The following CNKSR2 variants were observed in gnomAD, a reference collection of about 807,000 sequenced individuals.
The protein encoded by CNKSR2 is CNK homolog protein 2.
In CNKSR2, 14 loss-of-function variants were observed where a neutral mutation model predicts 84.4. That is an observed-to-expected ratio of 0.17 (90% confidence interval 0.11 to 0.26). CNKSR2 has a LOEUF of 0.26. Ranked by LOEUF, CNKSR2 falls within the 10% of genes least tolerant of loss-of-function variation. The pLI, the probability that CNKSR2 is intolerant of heterozygous loss-of-function variation, is 1.00. For synonymous variants in CNKSR2, 275 were observed against 277.9 expected, an observed-to-expected ratio of 0.99 and a Z score of 0.10; for missense variants, 485 against 771.2, an observed-to-expected ratio of 0.63 and a Z score of 4.40.
intron 20 of CNKSR2, among the ~76,000 whole-genome samples, chrX:21,630,250 A>G (rs746269986): frequency 5.3e-5 from 6 of 112,519 alleles, no homozygotes; most frequent in Admixed American, 9.4e-5. Context: ...CTCATATAGA[A>G]AAAGAAGATA....
At position 21,482,504 on chromosome X, in the gene CNKSR2, A is replaced by G. The variant is rs191450600; in HGVS notation, c.562-7955A>G. ...TAAGTAATTAGAAGCTTGTAGTAAC[A>G]GGACTAACACTGTCAATAAGCTTTA... On this transcript the variant is annotated intron_variant, in intron 5 of 21. Coordinates refer to ENST00000379510, the MANE Select transcript of CNKSR2 (RefSeq NM_014927.5). Among the ~76,000 whole-genome samples the G allele has an allele frequency of 1.1e-3, 123 of 112,599 alleles. 1 individual carries two copies. Among genetic ancestry groups the G allele is most frequent in the African/African-American group, 3.7e-3 (115 of 31,009 alleles).
intron 10 of CNKSR2, among the ~76,000 whole-genome samples, chrX:21,529,769 T>C (rs1437577499): frequency 9.0e-6 from 1 of 110,975 alleles, no homozygotes; most frequent in Non-Finnish European, 1.9e-5. Flanking sequence ...TGCTTGGTAC[T>C]TTTCTTAATT....
chrX:21,582,925 C>G (rs1285061323), intron 13 of CNKSR2, among the ~76,000 whole-genome samples: 1 of 111,614 alleles, frequency 9.0e-6, no homozygotes, highest in Non-Finnish European at 1.9e-5. Context: ...CCTTCAGAAT[C>G]TGATACATAT....
chrX:21,431,879 AAAG>A (rs2090638375), intron 2 of CNKSR2, among the ~76,000 whole-genome samples: 1 of 112,014 alleles, frequency 8.9e-6, no homozygotes, highest in African/African-American at 3.2e-5. Flanking sequence ...AGAACAAAGA[AAAG>A]AAGAAAACAA....
chrX:21,578,162 A>G (rs1361459377), intron 13 of CNKSR2, among the ~76,000 whole-genome samples: 3 of 111,672 alleles, frequency 2.7e-5, no homozygotes, highest in Non-Finnish European at 5.7e-5. Flanking sequence ...ATCCTAATAG[A>G]CTTCAATCCA....
intron 4 of CNKSR2, among the ~76,000 whole-genome samples, chrX:21,441,902 A>G (rs1005906778): frequency 9.8e-5 from 11 of 111,884 alleles, no homozygotes; most frequent in African/African-American, 3.6e-4. Flanking sequence ...TTCAGCTTTA[A>G]TTATTTTTAT....
chrX:21,535,465 T>A (rs956513057), intron 11 of CNKSR2, among the ~76,000 whole-genome samples: 4 of 111,511 alleles, frequency 3.6e-5, no homozygotes, highest in Admixed American at 1.9e-4. Context: ...TTGCTTTGGG[T>A]AGTATAGTCA....
intron 1 of CNKSR2, among the ~76,000 whole-genome samples, chrX:21,413,451 C>T (rs905779047): frequency 9.0e-6 from 1 of 110,776 alleles, no homozygotes; most frequent in Non-Finnish European, 1.9e-5. Context: ...GTGTTACAAA[C>T]AATATAACTA....
At chrX:21,592,959 G>A (rs1217991686) in intron 15 of CNKSR2, 5 of 108,516 alleles carry the variant, frequency 4.6e-5, no homozygotes, top group Non-Finnish European at 7.6e-5. Flanking sequence ...TTTAAGTGAT[G>A]AAAAACTGTG....
intron 1 of CNKSR2, among the ~76,000 whole-genome samples, chrX:21,413,963 GA>G (rs1037576925): frequency 1.8e-4 from 19 of 107,015 alleles, no homozygotes; most frequent in South Asian, 4.1e-4. Context: ...CACAGAAATA[GA>G]AAAAAAAAAT....
At chrX:21,443,581 A>G (rs1178640621) in intron 4 of CNKSR2, among the ~76,000 whole-genome samples, 1 of 111,496 alleles carries the variant, frequency 9.0e-6, no homozygotes, top group Non-Finnish European at 1.9e-5. Context: ...GTTCTTGGTT[A>G]TCGCTGGTTG....
chrX:21,503,984 A>G (rs1166527314), intron 8 of CNKSR2: 2 of 111,515 alleles, frequency 1.8e-5, no homozygotes, highest in Non-Finnish European at 3.8e-5. Context: ...ATTTTGGAAT[A>G]TAATAGAGAC....
chrX:21,453,272 T>C (rs2090958589), intron 4 of CNKSR2, among the ~76,000 whole-genome samples: 1 of 111,820 alleles, frequency 8.9e-6, no homozygotes, highest in Non-Finnish European at 1.9e-5. Context: ...ATGTATCCTT[T>C]TGGTTGATAT....
intron 5 of CNKSR2, among the ~76,000 whole-genome samples, chrX:21,488,530 T>C (rs1442503789): frequency 9.0e-6 from 1 of 111,369 alleles, no homozygotes; most frequent in Admixed American, 9.6e-5. Flanking sequence ...TGAGGCTGTC[T>C]CTCTTGAGGG....
intron 17 of CNKSR2, among the ~76,000 whole-genome samples, chrX:21,599,527 G>A (rs1023686796): frequency 4.5e-5 from 5 of 110,194 alleles, no homozygotes; most frequent in East Asian, 2.8e-4. Context: ...CACCACACCC[G>A]GCTAATTTTT....
chrX:21,417,459 G>T (rs767089903), intron 1 of CNKSR2, among the ~76,000 whole-genome samples: 3 of 111,504 alleles, frequency 2.7e-5, no homozygotes, highest in South Asian at 7.4e-4. Flanking sequence ...AAACTCCAAC[G>T]TTTCTTGGTT....
intron 13 of CNKSR2, among the ~76,000 whole-genome samples, chrX:21,585,132 A>G (rs983495265): frequency 9.3e-6 from 1 of 108,003 alleles, no homozygotes; most frequent in East Asian, 2.9e-4. Flanking sequence ...AGTCCCAGCT[A>G]CTCAGAAGGC....
At chrX:21,468,137 T>C (rs1307032799) in intron 4 of CNKSR2, among the ~76,000 whole-genome samples, 2 of 110,827 alleles carry the variant, frequency 1.8e-5, no homozygotes, top group African/African-American at 6.5e-5. Flanking sequence ...TGTGAATTCC[T>C]ATCTCCCTAA....
intron 13 of CNKSR2, among the ~76,000 whole-genome samples, chrX:21,564,771 A>G (rs1440664718): frequency 9.2e-6 from 1 of 108,668 alleles, no homozygotes; most frequent in Non-Finnish European, 1.9e-5. Context: ...TTTTTGGACT[A>G]TAGTGTTATT....
Sources: allele counts gnomAD v4.1 joint callset (sites outside exome capture counted in the v4.1 genomes callset), GRCh38; gene constraint gnomAD v4.1.1; transcripts MANE v1.5; gene names NCBI Gene and HGNC (gene_info 2026-07-23, HGNC 2026-07-21).